CMTM4: variants seen among roughly 807,000 people sequenced by gnomAD.
CMTM4 encodes the protein CKLF like MARVEL transmembrane domain containing 4.
CMTM4 carries 8 observed loss-of-function variants against 19.0 expected under a neutral mutation model. The observed-to-expected ratio is 0.42, with a 90% CI of 0.25 to 0.76. The LOEUF is 0.76. Among genes scored for constraint, CMTM4 ranks in the 30% least tolerant of loss-of-function variants. The pLI is 0.27. For synonymous variants in CMTM4, 106 were observed against 121.1 expected (o/e 0.88, Z 0.82); for missense variants, 228 against 290.2 (o/e 0.79, Z 1.56).
chr16:66,605,084 G>A, the CMTM4 span: 59 of 874,186 alleles, frequency 6.7e-5, 1 homozygote, highest in Admixed American at 8.8e-5. The surrounding 1 kb of genome is among the most constrained non-coding windows in gnomAD (Gnocchi z 4.6). Context: ...CGCCTCGGCC[G>A]ACTTCTCTCG....
downstream of CMTM4, chr16:66,612,963 G>A (rs2144761320): frequency 2.9e-6 from 2 of 682,356 alleles, no homozygotes; most frequent in Non-Finnish European, 5.4e-6. This position sits in a 1 kb window ranked among gnomAD's most constrained non-coding sequence, Gnocchi z 6.0. Context: ...TCTGTATCTG[G>A]GCAGCAGGTG....
chr16:66,600,402 C>T, the CMTM4 span, among the ~76,000 whole-genome samples: 4 of 152,140 alleles, frequency 2.6e-5, no homozygotes, highest in Non-Finnish European at 5.9e-5. Context: ...ACCTCAGCCT[C>T]CCAAAGTGCT....
At chr16:66,626,175 C>G (rs1335953071) in intron 2 of CMTM4, among the ~76,000 whole-genome samples, 1 of 152,216 alleles carries the variant, frequency 6.6e-6, no homozygotes, top group Admixed American at 6.5e-5. Context: ...CAGCTCATGC[C>G]TATAATCCCA....
At chr16:66,665,713 C>G (rs2016579989) in intron 1 of CMTM4, among the ~76,000 whole-genome samples, 1 of 151,896 alleles carries the variant, frequency 6.6e-6, no homozygotes, top group Admixed American at 6.6e-5. Context: ...GAGGCAGAGG[C>G]TGCAGTAAGC....
Position 66,640,996 on chromosome 16 carries a change from AC to A in CMTM4, c.187-4416del, listed in dbSNP as rs528548348. 2.5e-3 allele frequency among the ~76,000 whole-genome samples: 376 copies of A among 152,150 alleles called. 1 individual carries two copies. The highest frequency in any genetic ancestry group is 8.6e-3 in the African/African-American group (356 of 41,512). ...CTCCTGAGAGAACCAGAGCAAAGCC[AC>A]CCCCCAAATTCCTGACACACAGAAA... On this transcript the variant is annotated intron_variant, in intron 1 of 3. Coordinates refer to ENST00000394106, the MANE Select transcript of CMTM4 (RefSeq NM_181521.3).
Position 66,650,372 on chromosome 16 carries a change from C to T in CMTM4, c.187-13791G>A, listed in dbSNP as rs577930171. Reference sequence around the variant, plus strand: ...AAACTAATGTTCCAAGACTAGTTTGCAAACCATCGTTCGGGTTTATACATT... The same window carrying T: ...AAACTAATGTTCCAAGACTAGTTTGTAAACCATCGTTCGGGTTTATACATT... On this transcript the variant is annotated intron_variant, in intron 1 of 3. Coordinates refer to ENST00000394106, the MANE Select transcript of CMTM4 (RefSeq NM_181521.3). Among the ~76,000 whole-genome samples, 3 of 152,306 alleles carry T rather than the reference C, an allele frequency of 2.0e-5. No homozygotes were observed. The South Asian group carries it at 6.2e-4, about 32-fold the overall frequency.
chr16:66,644,701 A>C (rs1000279590), intron 1 of CMTM4, among the ~76,000 whole-genome samples: 1 of 152,198 alleles, frequency 6.6e-6, no homozygotes, highest in African/African-American at 2.4e-5. Context: ...CCTTGGCAGC[A>C]GCCTTTTGGA....
In CMTM4 at chr16:66,619,451, A is replaced by G; in HGVS notation, c.*2607T>C. ...CCCACCAGAACACTGAGAAAAACTA[A>G]GGTCGCTCAGCCTTCAAATGCCCCA... On this transcript the variant is annotated 3_prime_UTR_variant, in exon 4 of 4. Transcript: ENST00000394106. The G allele has an allele frequency of 1.0e-6, 1 of 985,460 alleles. No individual in the cohort carries two copies. Among genetic ancestry groups the G allele is most frequent in the Non-Finnish European group, 1.2e-6 (1 of 829,946 alleles). The allele number at this position is 985,460 out of a possible 1,614,324, so 61.0% of individuals were successfully genotyped here.
downstream of CMTM4, chr16:66,610,801 C>A: frequency 2.5e-6 from 1 of 398,612 alleles, no homozygotes; most frequent in South Asian, 1.3e-4. This position sits in a 1 kb window ranked among gnomAD's most constrained non-coding sequence, Gnocchi z 4.6. Context: ...GGGATCTTCC[C>A]TAGGCAGGAC....
intron 1 of CMTM4, among the ~76,000 whole-genome samples, chr16:66,679,232 C>T (rs973309614): frequency 1.3e-5 from 2 of 152,116 alleles, no homozygotes; most frequent in Admixed American, 6.6e-5. Flanking sequence ...ACCCCAAACA[C>T]TTTGAAGTCT....
At chr16:66,679,172 T>A (rs2016862534) in intron 1 of CMTM4, among the ~76,000 whole-genome samples, 1 of 152,104 alleles carries the variant, frequency 6.6e-6, no homozygotes, top group South Asian at 2.1e-4. Flanking sequence ...TACTCTGTAT[T>A]CGCTGTTCTA....
In CMTM4 at chr16:66,617,376, A is replaced by G; in HGVS notation, c.*4682T>C. ...AGGAAAAACTAGAAAGGAAAAAAAA[A>G]TCCCAAAGGTTGAAAAACTGTATCC... is the stretch of plus-strand genomic sequence containing the variant. On this transcript the variant is annotated 3_prime_UTR_variant, in exon 4 of 4. Coordinates refer to ENST00000394106, the MANE Select transcript of CMTM4 (RefSeq NM_181521.3). 1 of 1,611,016 alleles carries G rather than the reference A, an allele frequency of 6.2e-7. No individual in the cohort carries two copies. The highest frequency in any genetic ancestry group is 8.5e-7 in the Non-Finnish European group (1 of 1,178,724).
chr16:66,618,734 A>T lies in CMTM4; in HGVS notation c.*3324T>A, dbSNP rs556809872. 15 of 985,492 alleles carry T rather than the reference A, an allele frequency of 1.5e-5. No homozygotes were observed. The East Asian group carries it at 5.7e-4, about 37-fold the overall frequency. The allele number at this position is 985,492 out of a possible 1,614,324, so 61.0% of individuals were successfully genotyped here. On this transcript the variant is annotated 3_prime_UTR_variant, in exon 4 of 4. Coordinates refer to ENST00000394106, the MANE Select transcript of CMTM4 (RefSeq NM_181521.3). ...CCAAGAACCACAGATGTAACTGCAA[A>T]CTTGAAGAGAGTCAGAATGTTTTCA...
chr16:66,677,190 T>C (rs1245123657), intron 1 of CMTM4, among the ~76,000 whole-genome samples: 1 of 152,124 alleles, frequency 6.6e-6, no homozygotes, highest in African/African-American at 2.4e-5. Context: ...TGAGCCATGA[T>C]TGTGTCATTA....
downstream of CMTM4, chr16:66,612,587 A>G (rs773151270): frequency 1.2e-6 from 2 of 1,613,726 alleles, no homozygotes; most frequent in East Asian, 4.5e-5. The surrounding 1 kb of genome is among the most constrained non-coding windows in gnomAD (Gnocchi z 6.0). Context: ...CCTGCCAAGC[A>G]TCCTCTCTGC....
At chr16:66,655,518 C>T (rs1238815395) in intron 1 of CMTM4, among the ~76,000 whole-genome samples, 1 of 147,922 alleles carries the variant, frequency 6.8e-6, no homozygotes, top group Non-Finnish European at 1.5e-5. Context: ...AGGACAGAAA[C>T]GTGTGTGTGT....
Position 66,664,404 on chromosome 16 carries a change from G to A in CMTM4, c.187-27823C>T, listed in dbSNP as rs570953033. Among the ~76,000 whole-genome samples the A allele has an allele frequency of 2.0e-5, 3 of 152,050 alleles. No individual in the cohort carries two copies. In the South Asian group the frequency reaches 6.2e-4, roughly 32 times the overall value. Reference sequence around the variant, plus strand: ...AAGCAACAGAAATGGTAAAAACCTCGGTAAACATAATATACAATTCTTCTC... The same window carrying A: ...AAGCAACAGAAATGGTAAAAACCTCAGTAAACATAATATACAATTCTTCTC... On this transcript the variant is annotated intron_variant, in intron 1 of 3. Transcript: ENST00000394106.
intron 2 of CMTM4, among the ~76,000 whole-genome samples, chr16:66,634,733 C>T (rs1037883839): frequency 4.6e-5 from 7 of 151,898 alleles, no homozygotes; most frequent in African/African-American, 1.5e-4. Context: ...GATGCCTTTA[C>T]ACCCATTACC....
intron 2 of CMTM4, among the ~76,000 whole-genome samples, chr16:66,634,965 C>T (rs1043301846): frequency 1.3e-5 from 2 of 152,080 alleles, no homozygotes; most frequent in African/African-American, 4.8e-5. Context: ...CAGGTCCTCC[C>T]GCAGGGTTTC....
Sources: allele counts gnomAD v4.1 joint callset (sites outside exome capture counted in the v4.1 genomes callset), GRCh38; gene constraint gnomAD v4.1.1; non-coding constraint Gnocchi (gnomAD v3.1); transcripts MANE v1.5; gene names NCBI Gene and HGNC (gene_info 2026-07-23, HGNC 2026-07-21).